The following DCHS1 variants were observed in gnomAD, a reference collection of about 807,000 sequenced individuals.
DCHS1 encodes the protein dachsous cadherin-related 1, also known as protocadherin-16.
Under a neutral mutation model 213.9 loss-of-function variants are expected in DCHS1, and 78 were observed. The observed-to-expected ratio is 0.36, with a 90% CI of 0.30 to 0.44. The LOEUF is 0.44. Among genes scored for constraint, DCHS1 ranks in the 20% least tolerant of loss-of-function variants. DCHS1 has a pLI of 1.00. For missense variants in DCHS1, 3,946 were observed against 4,395.9 expected, an observed-to-expected ratio of 0.90 and a Z score of 2.89; for synonymous variants, 1,828 against 1,873.7, an observed-to-expected ratio of 0.98 and a Z score of 0.63.
chr11:6,640,543 G>C lies in DCHS1; in HGVS notation c.1071C>G (p.Asp357Glu), dbSNP rs377714578. ...AGATGACAGTCATGGAGGGCTGATT[G>C]TCATTGGCATCTCGCACATGCACAG... ...FVTVHVRDAN[D>E]NQPSMTVIFL... The change falls in exon 2 of 21, where the codon GAC becomes GAG. Residue 357 changes from aspartate to glutamate, a missense_variant. Asp to Glu is a conservative substitution (Grantham distance 45). Around this residue, in one of 3 missense-constraint regions of DCHS1, gnomAD observed 3,384 missense variants for 3,780.1 expected, o/e 0.90. Transcript: ENST00000299441. The surrounding 1 kb of genome is among the most constrained non-coding windows in gnomAD (Gnocchi z 6.5). 1 of 1,610,594 alleles carries C rather than the reference G, an allele frequency of 6.2e-7. No homozygotes were observed. Among genetic ancestry groups the C allele is most frequent in the South Asian group, 1.1e-5 (1 of 91,084 alleles).
Position 6,641,120 on chromosome 11 carries a change from T to A in DCHS1, c.494A>T (p.Glu165Val). 1 of 1,613,852 alleles carries A rather than the reference T, an allele frequency of 6.2e-7. No homozygotes were observed. Among genetic ancestry groups the A allele is most frequent in the South Asian group, 1.1e-5 (1 of 91,070 alleles). Residue 165 changes from glutamate to valine, a missense_variant, in exon 2 of 21, where the codon GAG becomes GTG. Transcript: ENST00000299441. The surrounding 1 kb of genome is among the most constrained non-coding windows in gnomAD (Gnocchi z 7.1). ...HTAFGTRYPL[E>V]PARDADAGRL... is the part of the protein sequence containing the mutation. Reference sequence around the variant, plus strand: ...CCCAGCATCTGCATCACGAGCAGGCTCCAGTGGGTAGCGGGTGCCAAAAGC... The same window carrying A: ...CCCAGCATCTGCATCACGAGCAGGCACCAGTGGGTAGCGGGTGCCAAAAGC...
At position 6,633,027 on chromosome 11, in the gene DCHS1, A is replaced by C; in HGVS notation, c.2485T>G (p.Ser829Ala). The change falls in exon 6 of 21, where the codon TCA (serine) becomes GCA (alanine). Residue 829 changes from serine to alanine, a missense_variant. This residue lies in a region of DCHS1 where 3,384 missense variants were observed against 3,780.1 expected (regional missense o/e 0.90). Coordinates refer to ENST00000299441, the MANE Select transcript of DCHS1 (RefSeq NM_003737.4). Reference sequence around the variant, plus strand: ...AAGAGTCCTCGGGGATCCCCACCTGATAGGGAAAGGGTCACAGGTGCCAAG... The same window carrying C: ...AAGAGTCCTCGGGGATCCCCACCTGCTAGGGAAAGGGTCACAGGTGCCAAG... ...GRLAPVTLSL[S>A]GGDPRGLFSL... 6.2e-7 allele frequency: 1 copy of C among 1,609,646 alleles called. No homozygotes were observed. Among genetic ancestry groups the C allele is most frequent in the Non-Finnish European group, 8.5e-7 (1 of 1,176,436 alleles).
chr11:6,649,184 G>A (rs937201178), intron 1 of DCHS1, among the ~76,000 whole-genome samples: 8 of 151,208 alleles, frequency 5.3e-5, no homozygotes, highest in African/African-American at 1.2e-4. Context: ...AAAGAAGGTA[G>A]CAGAGAGACA....
rs1346527883 is a variant in DCHS1, at chr11:6,627,424, G to A, written c.5615C>T (p.Thr1872Ile). ...ATGAGCCTGTAGCTGCAGCAGCAGGGTCCCTGCAGGCACATCCTCCGGCAC... is the reference window on the plus strand; with the variant it reads ...ATGAGCCTGTAGCTGCAGCAGCAGGATCCCTGCAGGCACATCCTCCGGCAC... ...VEVPEDVPAGTLLLQLQAHDP... is the reference protein window; with the variant it reads ...VEVPEDVPAGILLLQLQAHDP... Residue 1872 changes from threonine to isoleucine, a missense_variant, in exon 14 of 21, where the codon ACC becomes ATC. This residue lies in a region of DCHS1 where 3,384 missense variants were observed against 3,780.1 expected (regional missense o/e 0.90). Transcript: ENST00000299441. The surrounding 1 kb of genome is among the most constrained non-coding windows in gnomAD (Gnocchi z 5.4). 3 of 1,610,574 alleles carry A rather than the reference G, an allele frequency of 1.9e-6. No homozygotes were observed. The highest frequency in any genetic ancestry group is 1.3e-5 in the African/African-American group (1 of 74,950).
rs751900413 is a variant in DCHS1, at chr11:6,632,391, C to A, written c.3121G>T (p.Ala1041Ser). Residue 1041 changes from alanine (A) to serine (S), a missense_variant, in exon 6 of 21, where the codon GCA becomes TCA. By Grantham distance (99) the Ala-to-Ser change is moderately conservative (BLOSUM62 1). Transcript: ENST00000299441. The surrounding 1 kb of genome is among the most constrained non-coding windows in gnomAD (Gnocchi z 5.9). ...GGCTCCAGGCCAAAGGGGCTACTTG[C>A]TCCCTCTGCTGCAAGGTGATAGGTG... ...PITYHLAAEG[A>S]SSPFGLEPQS... 5.9e-5 allele frequency: 95 copies of A among 1,613,706 alleles called. No individual in the cohort carries two copies. Among genetic ancestry groups the A allele is most frequent in the Non-Finnish European group, 8.1e-5 (95 of 1,179,782 alleles).
rs1055973394 is a variant in DCHS1 at position 6,621,942 on chromosome 11, A to C, written c.9734T>G (p.Leu3245Arg). The change falls in exon 21 of 21, where the codon CTG becomes CGG. Residue 3245 changes from leucine (L) to arginine (R), a missense_variant. Leu to Arg is a moderately radical substitution (Grantham distance 102). Transcript: ENST00000299441. ...GCTGGGGGACATGGCAGCTGAGGAC[A>C]GGGAGCCTTCATGGCTGATGGGGGA... is the stretch of plus-strand genomic sequence containing the variant. Reference protein sequence around the residue: ...HRSPISHEGSLSSAAMSPSFS... With the variant: ...HRSPISHEGSRSSAAMSPSFS... 2 of 1,613,364 alleles carry C rather than the reference A, an allele frequency of 1.2e-6. No individual in the cohort carries two copies. Among genetic ancestry groups the C allele is most frequent in the Non-Finnish European group, 1.7e-6 (2 of 1,179,724 alleles).
At position 6,623,923 on chromosome 11, in the gene DCHS1, CTG is replaced by C; in HGVS notation, c.7751_7752del (p.Ser2584CysfsTer13). The C allele has an allele frequency of 6.2e-7, 1 of 1,608,144 alleles. No homozygotes were observed. The highest frequency in any genetic ancestry group is 8.5e-7 in the Non-Finnish European group (1 of 1,175,658). ...AADRGQPPQS[S>X]VVPVTVTVLD... The stretch of plus-strand genomic sequence containing the variant: ...AGTACAGTGACAGTGACTGGCACGA[CTG>C]AGCTTTGGGGTGGCTGCCCACGGTC... On this transcript the variant is annotated frameshift_variant, in exon 21 of 21. Coordinates refer to ENST00000299441, the MANE Select transcript of DCHS1 (RefSeq NM_003737.4). LOFTEE classifies it high-confidence loss of function.
chr11:6,628,605 G>A lies in DCHS1; in HGVS notation c.5371+16C>T, dbSNP rs1416686509. 26 of 1,613,584 alleles carry A rather than the reference G, an allele frequency of 1.6e-5. No individual in the cohort carries two copies. The highest frequency in any genetic ancestry group is 1.9e-5 in the Non-Finnish European group (23 of 1,179,746). On this transcript the variant is annotated intron_variant, in intron 13 of 20. Coordinates refer to ENST00000299441, the MANE Select transcript of DCHS1 (RefSeq NM_003737.4). This position sits in a 1 kb window ranked among gnomAD's most constrained non-coding sequence, Gnocchi z 4.3. Reference sequence around the variant, plus strand: ...CAAGTGGGTGCTGAATTAAGTGGGAGTGGGAAGGTTCTCACCTAGGATGCG... The same window carrying A: ...CAAGTGGGTGCTGAATTAAGTGGGAATGGGAAGGTTCTCACCTAGGATGCG...
chr11:6,646,611 T>G (rs1197441882), intron 1 of DCHS1, among the ~76,000 whole-genome samples: 1 of 152,152 alleles, frequency 6.6e-6, no homozygotes, highest in Non-Finnish European at 1.5e-5. Flanking sequence ...TCTTCCTTCT[T>G]CCAAATCTGT....
rs148008642 is a variant in DCHS1, at chr11:6,632,757, G to A, written c.2755C>T (p.Leu919Phe). 1.8e-4 allele frequency: 298 copies of A among 1,612,784 alleles called. No individual in the cohort carries two copies. In the African/African-American group the frequency reaches 3.6e-3, roughly 20 times the overall value. Residue 919 changes from leucine to phenylalanine, a missense_variant, in exon 6 of 21, where the codon CTT becomes TTT. By Grantham distance (22) the Leu-to-Phe change is conservative. Around this residue, in one of 3 missense-constraint regions of DCHS1, gnomAD observed 3,384 missense variants for 3,780.1 expected, o/e 0.90. Transcript: ENST00000299441. This position sits in a 1 kb window ranked among gnomAD's most constrained non-coding sequence, Gnocchi z 5.9. ...PGTPIYTLRA[L>F]DPDSGVNSRV... is the part of the protein sequence containing the mutation. ...CTGTTAACACCTGAGTCGGGGTCAA[G>A]AGCCCGCAGTGTATAGATGGGAGTC...
rs1195155252 is a variant in DCHS1 at position 6,630,726 on chromosome 11, C to A, written c.4068G>T (p.Ala1356=). ...RPGSLLGSVA[A]PEPAGVGALT... Reference sequence around the variant, plus strand: ...GTGCACCCACACCCGCGGGCTCTGGCGCTGCCACCGAGCCCAACAGAGAGC... The same window carrying A: ...GTGCACCCACACCCGCGGGCTCTGGAGCTGCCACCGAGCCCAACAGAGAGC... Residue 1356 remains alanine (A), a synonymous_variant, in exon 10 of 21, where the codon GCG becomes GCT. Transcript: ENST00000299441. The A allele has an allele frequency of 6.5e-7, 1 of 1,543,610 alleles. No individual in the cohort carries two copies. The highest frequency in any genetic ancestry group is 8.7e-7 in the Non-Finnish European group (1 of 1,147,446).
rs892178424 is a variant in DCHS1 at position 6,641,268 on chromosome 11, G to A, written c.346C>T (p.Arg116Cys). ...VLDREQRDRY[R>C]FTAVTPDGAT... ...CCATCAGGAGTGACTGCAGTGAAGC[G>A]GTAGCGGTCCCGCTGCTCACGGTCC... Residue 116 changes from arginine to cysteine, a missense_variant, in exon 2 of 21, where the codon CGC (arginine) becomes TGC (cysteine). By Grantham distance (180) the Arg-to-Cys change is radical (BLOSUM62 -3). This residue lies in a region of DCHS1 where 3,384 missense variants were observed against 3,780.1 expected (regional missense o/e 0.90). Coordinates refer to ENST00000299441, the MANE Select transcript of DCHS1 (RefSeq NM_003737.4). This position sits in a 1 kb window ranked among gnomAD's most constrained non-coding sequence, Gnocchi z 7.1. The A allele has an allele frequency of 6.8e-6, 11 of 1,613,622 alleles. 1 individual carries two copies. Among genetic ancestry groups the A allele is most frequent in the South Asian group, 2.2e-5 (2 of 91,090 alleles).
At position 6,632,397 on chromosome 11, in the gene DCHS1, C is replaced by T; in HGVS notation, c.3115G>A (p.Glu1039Lys). 6.2e-7 allele frequency: 1 copy of T among 1,613,822 alleles called. No homozygotes were observed. Among genetic ancestry groups the T allele is most frequent in the Non-Finnish European group, 8.5e-7 (1 of 1,179,768 alleles). The change falls in exon 6 of 21, where the codon GAG (glutamate) becomes AAG (lysine). Residue 1039 changes from glutamate (E) to lysine (K), a missense_variant. Coordinates refer to ENST00000299441, the MANE Select transcript of DCHS1 (RefSeq NM_003737.4). The surrounding 1 kb of genome is among the most constrained non-coding windows in gnomAD (Gnocchi z 5.9). ...AGGCCAAAGGGGCTACTTGCTCCCT[C>T]TGCTGCAAGGTGATAGGTGATAGGG... ...GGPITYHLAA[E>K]GASSPFGLEP...
intron 4 of DCHS1, 69 bp downstream of exon 4, chr11:6,633,720 G>A: frequency 6.3e-7 from 1 of 1,599,598 alleles, no homozygotes; most frequent in Non-Finnish European, 8.5e-7. Flanking sequence ...GAGGAGGTGG[G>A]TAGGACATCA....
In DCHS1 at chr11:6,627,305, G is replaced by T; in HGVS notation, c.5734C>A (p.Arg1912Ser). Reference sequence around the variant, plus strand: ...TCTCTGTCCAAGGCTGCAGCTGTGCGCAGTTCTCCAGAGCTGGGCTCCAGC... The same window carrying T: ...TCTCTGTCCAAGGCTGCAGCTGTGCTCAGTTCTCCAGAGCTGGGCTCCAGC... ...FLLEPSSGEL[R>S]TAAALDREQC... Residue 1912 changes from arginine to serine, a missense_variant, in exon 14 of 21, where the codon CGC (arginine) becomes AGC (serine). Physicochemically the swap from Arg to Ser is moderately radical, Grantham distance 110. Coordinates refer to ENST00000299441, the MANE Select transcript of DCHS1 (RefSeq NM_003737.4). This position sits in a 1 kb window ranked among gnomAD's most constrained non-coding sequence, Gnocchi z 5.4. 6.2e-7 allele frequency: 1 copy of T among 1,611,934 alleles called. No homozygotes were observed. The highest frequency in any genetic ancestry group is 8.5e-7 in the Non-Finnish European group (1 of 1,179,188).
Position 6,624,172 on chromosome 11 carries a change from G to A in DCHS1, c.7504C>T (p.Leu2502Phe), listed in dbSNP as rs1371170808. ...TEDLPPGSTL[L>F]TLEATDADGS... ...TCAGCATCTGTAGCCTCCAGGGTGA[G>A]CAGAGTGGAGCCAGGGGGCAGGTCT... The change falls in exon 21 of 21, where the codon CTC becomes TTC. Residue 2502 changes from leucine to phenylalanine, a missense_variant. Leu to Phe is a conservative substitution (Grantham distance 22, BLOSUM62 0). Transcript: ENST00000299441. 2 of 1,613,168 alleles carry A rather than the reference G, an allele frequency of 1.2e-6. No individual in the cohort carries two copies. The highest frequency in any genetic ancestry group is 1.7e-5 in the Admixed American group (1 of 59,946).
At position 6,628,628 on chromosome 11, in the gene DCHS1, G is replaced by T. The variant is rs151330867; in HGVS notation, c.5364C>A (p.Arg1788=). Residue 1788 remains arginine (R), a synonymous_variant, in exon 13 of 21, where the codon CGC becomes CGA. Transcript: ENST00000299441. This position sits in a 1 kb window ranked among gnomAD's most constrained non-coding sequence, Gnocchi z 4.3. The part of the protein sequence containing the change: ...DVGANGQLQY[R]ILDGDPSGAF... ...GAGTGGGAAGGTTCTCACCTAGGAT[G>T]CGGTACTGCAACTGCCCATTGGCTC... is the stretch of plus-strand genomic sequence containing the variant. The T allele has an allele frequency of 3.7e-6, 6 of 1,613,922 alleles. No homozygotes were observed. The African/African-American group carries it at 8.0e-5, about 22-fold the overall frequency.
rs759226020 is a variant in DCHS1 at position 6,632,151 on chromosome 11, C to T, written c.3361G>A (p.Gly1121Arg). ...GCAAAGACTCGGCCCACGCTGGTCC[C>T]TGGGGGCTGGTTCTCAGCCACAGCC... Reference protein sequence around the residue: ...FLAVAENQPPGTSVGRVFATD... With the variant: ...FLAVAENQPPRTSVGRVFATD... Residue 1121 changes from glycine (G) to arginine (R), a missense_variant, in exon 6 of 21, where the codon GGG becomes AGG. Around this residue, in one of 3 missense-constraint regions of DCHS1, gnomAD observed 3,384 missense variants for 3,780.1 expected, o/e 0.90. Transcript: ENST00000299441. This position sits in a 1 kb window ranked among gnomAD's most constrained non-coding sequence, Gnocchi z 5.9. 1 of 1,591,974 alleles carries T rather than the reference C, an allele frequency of 6.3e-7. No individual in the cohort carries two copies. The highest frequency in any genetic ancestry group is 2.2e-5 in the East Asian group (1 of 44,536).
At chr11:6,649,135 CAGTA>C (rs1297674282) in intron 1 of DCHS1, among the ~76,000 whole-genome samples, 1 of 151,408 alleles carries the variant, frequency 6.6e-6, no homozygotes, top group South Asian at 2.1e-4. Flanking sequence ...AGTAACTCTG[CAGTA>C]AGTGTTATTT....
Sources: allele counts gnomAD v4.1 joint callset (sites outside exome capture counted in the v4.1 genomes callset), GRCh38; gene constraint gnomAD v4.1.1; regional missense constraint gnomAD v4.1.1; non-coding constraint Gnocchi (gnomAD v3.1); transcripts MANE v1.5; gene names NCBI Gene and HGNC (gene_info 2026-07-23, HGNC 2026-07-21).